Variants in LHFPL3 observed in about 807,000 individuals in gnomAD.
The protein encoded by LHFPL3 is LHFPL tetraspan subfamily member 3 protein.
Under a neutral mutation model 19.3 loss-of-function variants are expected in LHFPL3, and 5 were observed. The ratio of observed to expected loss-of-function variants is 0.26; its 90% CI spans 0.14 to 0.54. The LOEUF (loss-of-function observed/expected upper bound fraction) is 0.54, where lower values mean the gene tolerates loss of function less well. Ranked by LOEUF, LHFPL3 falls within the 20% of genes least tolerant of loss-of-function variation. The probability of loss-of-function intolerance (pLI) is 0.94; values close to 1 mark genes in which losing one functional copy is unlikely to be tolerated. For missense variants in LHFPL3, 249 were observed against 307.4 expected (o/e 0.81, Z 1.42); for synonymous variants, 133 against 126.2 (o/e 1.05, Z -0.36).
At chr7:104,503,285 A>C (rs1038194322) in intron 1 of LHFPL3, among the ~76,000 whole-genome samples, 1 of 152,162 alleles carries the variant, frequency 6.6e-6, no homozygotes. Flanking sequence ...GGTAAAAAGA[A>C]GCAAACACAC....
chr7:104,797,434 T>C (rs551059601), intron 2 of LHFPL3, among the ~76,000 whole-genome samples: 1 of 152,300 alleles, frequency 6.6e-6, no homozygotes, highest in South Asian at 2.1e-4. Flanking sequence ...TAGTTCTGCA[T>C]TAGAGACTAA....
chr7:104,375,400 T>G (rs1790694456), intron 1 of LHFPL3, among the ~76,000 whole-genome samples: 1 of 152,016 alleles, frequency 6.6e-6, no homozygotes, highest in Non-Finnish European at 1.5e-5. Context: ...ACAATAAACA[T>G]TTAACATGGT....
intron 1 of LHFPL3, among the ~76,000 whole-genome samples, chr7:104,395,417 A>G (rs1248839175): frequency 6.6e-6 from 1 of 152,216 alleles, no homozygotes; most frequent in Non-Finnish European, 1.5e-5. Context: ...TGCTCCAGCC[A>G]GTCTGCCACT....
chr7:104,823,247 A>G (rs971452380), intron 2 of LHFPL3, among the ~76,000 whole-genome samples: 2 of 152,204 alleles, frequency 1.3e-5, no homozygotes, highest in Admixed American at 6.5e-5. Context: ...TGTTGCAGGT[A>G]TCTTTCATCT....
intron 1 of LHFPL3, among the ~76,000 whole-genome samples, chr7:104,622,252 G>A (rs1791459027): frequency 1.3e-5 from 2 of 152,092 alleles, no homozygotes; most frequent in Admixed American, 1.3e-4. Flanking sequence ...TGGGACCACA[G>A]GCATGGGCCA....
At chr7:104,488,522 A>G (rs945786195) in intron 1 of LHFPL3, among the ~76,000 whole-genome samples, 6 of 152,186 alleles carry the variant, frequency 3.9e-5, no homozygotes, top group African/African-American at 1.4e-4. Flanking sequence ...GTATGATTGT[A>G]TAATCTGTCT....
intron 2 of LHFPL3, among the ~76,000 whole-genome samples, chr7:104,764,405 A>T (rs549895144): frequency 6.6e-6 from 1 of 152,130 alleles, no homozygotes; most frequent in African/African-American, 2.4e-5. Flanking sequence ...TCTTGATCTC[A>T]GGTGATCCAC....
At chr7:104,873,750 A>G (rs899197921) in intron 2 of LHFPL3, among the ~76,000 whole-genome samples, 7 of 152,214 alleles carry the variant, frequency 4.6e-5, no homozygotes, top group Non-Finnish European at 8.8e-5. Flanking sequence ...TACATTTCCA[A>G]TGGGATTTTG....
At chr7:104,344,405 A>G (rs942862087) in intron 1 of LHFPL3, among the ~76,000 whole-genome samples, 5 of 152,118 alleles carry the variant, frequency 3.3e-5, no homozygotes, top group African/African-American at 1.2e-4. Flanking sequence ...TTAAATCCCC[A>G]ATCCCACTTC....
chr7:104,779,075 A>G (rs190571622), intron 2 of LHFPL3, among the ~76,000 whole-genome samples: 8 of 152,344 alleles, frequency 5.3e-5, no homozygotes, highest in East Asian at 1.9e-4. Context: ...AGGTGGCTTC[A>G]TGATGCAGAG....
intron 1 of LHFPL3, among the ~76,000 whole-genome samples, chr7:104,718,364 G>A (rs1394709245): frequency 6.6e-6 from 1 of 152,180 alleles, no homozygotes; most frequent in African/African-American, 2.4e-5. Flanking sequence ...TTAGGAAAGT[G>A]GCTAGAAATG....
intron 2 of LHFPL3, among the ~76,000 whole-genome samples, chr7:104,813,448 T>C (rs1313402595): frequency 6.6e-6 from 1 of 152,148 alleles, no homozygotes; most frequent in Non-Finnish European, 1.5e-5. Flanking sequence ...GTCGGAAAAC[T>C]CTGTGGCTAG....
At chr7:104,718,095 T>G (rs564948102) in intron 1 of LHFPL3, among the ~76,000 whole-genome samples, 60 of 152,322 alleles carry the variant, frequency 3.9e-4, no homozygotes, top group African/African-American at 1.4e-3. Flanking sequence ...CTAAAATAGT[T>G]AAACTCATAG....
chr7:104,814,702 C>A (rs1231102823), intron 2 of LHFPL3, among the ~76,000 whole-genome samples: 2 of 152,218 alleles, frequency 1.3e-5, no homozygotes, highest in Non-Finnish European at 2.9e-5. Context: ...CCTCATCTCA[C>A]CCTCAGCTTT....
intron 1 of LHFPL3, among the ~76,000 whole-genome samples, chr7:104,683,237 G>C (rs1323953119): frequency 6.6e-6 from 1 of 152,146 alleles, no homozygotes. Flanking sequence ...TGATCCACTC[G>C]TCTCAGCCTC....
chr7:104,659,105 C>T (rs527827860), intron 1 of LHFPL3, among the ~76,000 whole-genome samples: 11 of 152,350 alleles, frequency 7.2e-5, no homozygotes, highest in South Asian at 2.1e-4. Flanking sequence ...GACCTTCCCA[C>T]GGAACCCCCT....
At chr7:104,740,783 A>T (rs550720866) in intron 2 of LHFPL3, among the ~76,000 whole-genome samples, 176 of 152,318 alleles carry the variant, frequency 1.2e-3, no homozygotes, top group Non-Finnish European at 1.4e-3. Context: ...ACATGTGGGA[A>T]TTATTACAAT....
intron 1 of LHFPL3, among the ~76,000 whole-genome samples, chr7:104,726,308 A>G (rs369755763): frequency 2.9e-4 from 43 of 149,694 alleles, no homozygotes; most frequent in African/African-American, 1.0e-3. Flanking sequence ...TTTAGATGCT[A>G]TGTATACGAT....
chr7:104,700,425 C>T (rs1038254583), intron 1 of LHFPL3, among the ~76,000 whole-genome samples: 2 of 152,208 alleles, frequency 1.3e-5, no homozygotes, highest in African/African-American at 4.8e-5. Context: ...CCATGGATCT[C>T]TCCCTCTCCT....
Sources: allele counts gnomAD v4.1 joint callset (sites outside exome capture counted in the v4.1 genomes callset), GRCh38; gene constraint gnomAD v4.1.1; transcripts MANE v1.5; gene names NCBI Gene and HGNC (gene_info 2026-07-23, HGNC 2026-07-21).